Variants in ZBTB42 observed in about 807,000 individuals in gnomAD.
The protein encoded by ZBTB42 is zinc finger and BTB domain containing 42.
ZBTB42 carries 3 observed loss-of-function variants against 4.7 expected under a neutral mutation model. That is an observed-to-expected ratio of 0.64 (90% CI 0.29 to 1.66). The LOEUF is 1.66. Among genes scored for constraint, ZBTB42 ranks in the 40% most tolerant of loss-of-function variants. The probability of loss-of-function intolerance (pLI) is 0.10; values close to 1 mark genes in which losing one functional copy is unlikely to be tolerated. For missense variants in ZBTB42, 521 were observed against 577.1 expected (o/e 0.90, Z 1.00); for synonymous variants, 255 against 259.5 (o/e 0.98, Z 0.17).
In ZBTB42 at chr14:104,802,054, A is replaced by G. The variant is rs1566830861; in HGVS notation, c.857A>G (p.Glu286Gly). 14 of 1,498,968 alleles carry G rather than the reference A, an allele frequency of 9.3e-6. No homozygotes were observed. The highest frequency in any genetic ancestry group is 2.1e-5 in the Admixed American group (1 of 47,872). 92.9% of individuals were successfully genotyped at this position (1,498,968 alleles called of 1,614,324 possible). Reference protein sequence around the residue: ...LGAGRLASEDELGPGGPLCIC... With the variant: ...LGAGRLASEDGLGPGGPLCIC... ...GCAGGGCGACTGGCGAGTGAGGACGAGCTGGGGCCTGGTGGGCCCCTCTGC... is the reference window on the plus strand; with the variant it reads ...GCAGGGCGACTGGCGAGTGAGGACGGGCTGGGGCCTGGTGGGCCCCTCTGC... The change falls in exon 1 of 1, where the codon GAG (glutamate) becomes GGG (glycine). Residue 286 changes from glutamate to glycine, a missense_variant. Coordinates refer to ENST00000342537, the MANE Select transcript of ZBTB42 (RefSeq NM_001137601.3). The surrounding 1 kb of genome is among the most constrained non-coding windows in gnomAD (Gnocchi z 5.9).
chr14:104,802,364 G>A lies in ZBTB42; in HGVS notation c.1167G>A (p.Pro389=), dbSNP rs61734768. Residue 389 remains proline (P), a synonymous_variant, in exon 1 of 1, where the codon CCG becomes CCA. Coordinates refer to ENST00000342537, the MANE Select transcript of ZBTB42 (RefSeq NM_001137601.3). The surrounding 1 kb of genome is among the most constrained non-coding windows in gnomAD (Gnocchi z 5.9). ...CCGTAGTGCACACTCGAGAGAAGCC[G>A]CATGCCTGCCGGTGGTGTGAGCGCC... ...RHTVVHTREK[P]HACRWCERRF... is the part of the protein sequence containing the mutation. The A allele has an allele frequency of 0.019, 30,020 of 1,550,494 alleles. 735 individuals are homozygous for A. The highest frequency in any genetic ancestry group is 0.1 in the African/African-American group (7,540 of 73,160).
rs1317651945 is a variant in ZBTB42, at chr14:104,802,756, C to T, written c.*290C>T. ...TGACACTATCTTCCTCTCCCGTCCC[C>T]TCCAGCCAAGTTCTGAGGGGTGTCC... On this transcript the variant is annotated 3_prime_UTR_variant, in exon 1 of 1. Coordinates refer to ENST00000342537, the MANE Select transcript of ZBTB42 (RefSeq NM_001137601.3). The surrounding 1 kb of genome is among the most constrained non-coding windows in gnomAD (Gnocchi z 5.9). 1 of 501,796 alleles carries T rather than the reference C, an allele frequency of 2.0e-6. No homozygotes were observed. Among genetic ancestry groups the T allele is most frequent in the East Asian group, 3.7e-5 (1 of 27,332 alleles). The allele number at this position is 501,796 out of a possible 1,614,324, so 31.1% of individuals were successfully genotyped here.
upstream of ZBTB42, chr14:104,800,700 G>T (rs1043080212): frequency 1.4e-5 from 2 of 146,438 alleles, no homozygotes; most frequent in African/African-American, 4.9e-5. The surrounding 1 kb of genome is among the most constrained non-coding windows in gnomAD (Gnocchi z 5.3). Context: ...GGGCGGCGGA[G>T]GTGAGCGCTG....
In ZBTB42 at chr14:104,802,852, C is replaced by T; in HGVS notation, c.*386C>T. The stretch of plus-strand genomic sequence containing the variant: ...ATCCATCTCCCGGCCCGGGACTTTC[C>T]TGACCACCTCTCTGGCAGGCTTGGG... On this transcript the variant is annotated 3_prime_UTR_variant, in exon 1 of 1. Coordinates refer to ENST00000342537, the MANE Select transcript of ZBTB42 (RefSeq NM_001137601.3). This position sits in a 1 kb window ranked among gnomAD's most constrained non-coding sequence, Gnocchi z 5.9. 3.4e-6 allele frequency: 1 copy of T among 292,430 alleles called. No homozygotes were observed. Among genetic ancestry groups the T allele is most frequent in the Non-Finnish European group, 6.9e-6 (1 of 145,252 alleles). The allele number at this position is 292,430 out of a possible 1,614,324, so 18.1% of individuals were successfully genotyped here.
chr14:104,801,750 G>C lies in ZBTB42; in HGVS notation c.553G>C (p.Asp185His). The C allele has an allele frequency of 6.5e-7, 1 of 1,549,892 alleles. No individual in the cohort carries two copies. Among genetic ancestry groups the C allele is most frequent in the Non-Finnish European group, 8.7e-7 (1 of 1,146,742 alleles). Residue 185 changes from aspartate (D) to histidine (H), a missense_variant, in exon 1 of 1, where the codon GAC (aspartate) becomes CAC (histidine). Coordinates refer to ENST00000342537, the MANE Select transcript of ZBTB42 (RefSeq NM_001137601.3). The surrounding 1 kb of genome is among the most constrained non-coding windows in gnomAD (Gnocchi z 4.4). ...PPPCQVPEES[D>H]QALDLSLKSG... ...TCCCTGCCAGGTCCCAGAAGAGTCA[G>C]ACCAGGCCCTGGACCTGTCGTTGAA...
chr14:104,802,869 A>G lies in ZBTB42; in HGVS notation c.*403A>G, dbSNP rs1167242098. ...GGACTTTCCTGACCACCTCTCTGGCAGGCTTGGGGAGGTCTTCATGAGCCT... is the reference window on the plus strand; with the variant it reads ...GGACTTTCCTGACCACCTCTCTGGCGGGCTTGGGGAGGTCTTCATGAGCCT... On this transcript the variant is annotated 3_prime_UTR_variant, in exon 1 of 1. Coordinates refer to ENST00000342537, the MANE Select transcript of ZBTB42 (RefSeq NM_001137601.3). The surrounding 1 kb of genome is among the most constrained non-coding windows in gnomAD (Gnocchi z 5.9). The G allele has an allele frequency of 3.8e-6, 1 of 265,142 alleles. No homozygotes were observed. The highest frequency in any genetic ancestry group is 2.3e-5 in the African/African-American group (1 of 44,392). 16.4% of individuals were successfully genotyped at this position (265,142 alleles called of 1,614,324 possible).
chr14:104,802,564 C>T lies in ZBTB42; in HGVS notation c.*98C>T. The T allele has an allele frequency of 6.8e-7, 1 of 1,462,102 alleles. No homozygotes were observed. 90.6% of individuals were successfully genotyped at this position (1,462,102 alleles called of 1,614,324 possible). On this transcript the variant is annotated 3_prime_UTR_variant, in exon 1 of 1. Transcript: ENST00000342537. This position sits in a 1 kb window ranked among gnomAD's most constrained non-coding sequence, Gnocchi z 5.9. ...GTGTGAAGCCTGACCAGGTGGAGGT[C>T]CCTGCTTGGGCCAGATGGCTCCACC...
Position 104,802,616 on chromosome 14 carries a change from T to G in ZBTB42, c.*150T>G, listed in dbSNP as rs370702203. Reference sequence around the variant, plus strand: ...TCCTGGCAGAGAGAATGCTGCCTCTTCCTGGAACTTGGCCTCAGACTCGGT... The same window carrying G: ...TCCTGGCAGAGAGAATGCTGCCTCTGCCTGGAACTTGGCCTCAGACTCGGT... On this transcript the variant is annotated 3_prime_UTR_variant, in exon 1 of 1. Coordinates refer to ENST00000342537, the MANE Select transcript of ZBTB42 (RefSeq NM_001137601.3). This position sits in a 1 kb window ranked among gnomAD's most constrained non-coding sequence, Gnocchi z 5.9. 50 of 1,209,622 alleles carry G rather than the reference T, an allele frequency of 4.1e-5. 1 individual carries two copies. In the African/African-American group the frequency reaches 6.8e-4, roughly 16 times the overall value. 74.9% of individuals were successfully genotyped at this position (1,209,622 alleles called of 1,614,324 possible).
In ZBTB42 at chr14:104,802,478, G is replaced by A; in HGVS notation, c.*12G>A. ...CCCTTCTGGTGTGATGCATCCCTGT[G>A]GGTCCTGAGGGTGGGGTGGAAGGGA... On this transcript the variant is annotated 3_prime_UTR_variant, in exon 1 of 1. Transcript: ENST00000342537. This position sits in a 1 kb window ranked among gnomAD's most constrained non-coding sequence, Gnocchi z 5.9. 1 of 1,542,078 alleles carries A rather than the reference G, an allele frequency of 6.5e-7. No homozygotes were observed. Among genetic ancestry groups the A allele is most frequent in the Non-Finnish European group, 8.8e-7 (1 of 1,141,478 alleles).
chr14:104,801,978 T>C lies in ZBTB42; in HGVS notation c.781T>C (p.Leu261=). Residue 261 remains leucine, a synonymous_variant, in exon 1 of 1, where the codon TTG becomes CTG. Transcript: ENST00000342537. This position sits in a 1 kb window ranked among gnomAD's most constrained non-coding sequence, Gnocchi z 4.4. ...TGCAGCCAAGGGCCTGGTGGTGGGCTTGCAGCCGCTGCCCCTCAGCGGAGA... is the reference window on the plus strand; with the variant it reads ...TGCAGCCAAGGGCCTGGTGGTGGGCCTGCAGCCGCTGCCCCTCAGCGGAGA... The part of the protein sequence containing the change: ...VPAAKGLVVG[L]QPLPLSGEGS... 6.6e-7 allele frequency: 1 copy of C among 1,511,484 alleles called. No individual in the cohort carries two copies. The highest frequency in any genetic ancestry group is 8.8e-7 in the Non-Finnish European group (1 of 1,130,100). 93.6% of individuals were successfully genotyped at this position (1,511,484 alleles called of 1,614,324 possible).
At position 104,801,646 on chromosome 14, in the gene ZBTB42, T is replaced by C. The variant is rs1042533746; in HGVS notation, c.449T>C (p.Leu150Pro). The part of the protein sequence containing the change: ...PCPWPVWTAD[L>P]CPAARKAKLP... ...CCCTGGCCTGTCTGGACCGCGGACCTCTGCCCAGCTGCCCGAAAGGCCAAG... is the reference window on the plus strand; with the variant it reads ...CCCTGGCCTGTCTGGACCGCGGACCCCTGCCCAGCTGCCCGAAAGGCCAAG... The change falls in exon 1 of 1, where the codon CTC becomes CCC. Residue 150 changes from leucine to proline, a missense_variant. By Grantham distance (98) the Leu-to-Pro change is moderately conservative. Transcript: ENST00000342537. This position sits in a 1 kb window ranked among gnomAD's most constrained non-coding sequence, Gnocchi z 4.4. 4.5e-6 allele frequency: 7 copies of C among 1,550,150 alleles called. No homozygotes were observed. In the African/African-American group the frequency reaches 8.2e-5, roughly 18 times the overall value.
Position 104,804,171 on chromosome 14 carries a change from G to GTGTGTA in ZBTB42, c.*1708_*1709insGTATGT, listed in dbSNP as rs1555386430. 6.0e-5 allele frequency: 10 copies of GTGTGTA among 166,848 alleles called. No homozygotes were observed. The highest frequency in any genetic ancestry group is 2.4e-4 in the African/African-American group (10 of 41,510). The allele number at this position is 166,848 out of a possible 1,614,324, so 10.3% of individuals were successfully genotyped here. A position where few individuals can be genotyped will look rare whatever the true frequency, so the allele number is the denominator to read the frequency against. ...GGGGTGTGTGTGTGTGTGTGTGTGT[G>GTGTGTA]TGTATGTATGCATGCGTCTGGCACA... is the stretch of plus-strand genomic sequence containing the variant. On this transcript the variant is annotated 3_prime_UTR_variant, in exon 1 of 1. Transcript: ENST00000342537.
Position 104,802,332 on chromosome 14 carries a change from C to G in ZBTB42, c.1135C>G (p.Arg379Gly). 1 of 1,550,446 alleles carries G rather than the reference C, an allele frequency of 6.4e-7. No homozygotes were observed. The highest frequency in any genetic ancestry group is 8.7e-7 in the Non-Finnish European group (1 of 1,146,986). ...KSFQYSHNLSRHTVVHTREKP... is the reference protein window; with the variant it reads ...KSFQYSHNLSGHTVVHTREKP... ...TTTTCAGTACTCCCACAACCTGAGC[C>G]GGCACACCGTAGTGCACACTCGAGA... The change falls in exon 1 of 1, where the codon CGG becomes GGG. Residue 379 changes from arginine to glycine, a missense_variant. Arg to Gly is a moderately radical substitution (Grantham distance 125). Coordinates refer to ENST00000342537, the MANE Select transcript of ZBTB42 (RefSeq NM_001137601.3). This position sits in a 1 kb window ranked among gnomAD's most constrained non-coding sequence, Gnocchi z 5.9.
rs545091032 is a variant in ZBTB42 at position 104,803,076 on chromosome 14, G to GT, written c.*610_*611insT. On this transcript the variant is annotated 3_prime_UTR_variant, in exon 1 of 1. Transcript: ENST00000342537. ...GCACAGCTGGTGTCTCGGGGTGGGGGGGGGGGTGCAGCCCCAGCAGGGATC... is the reference window on the plus strand; with the variant it reads ...GCACAGCTGGTGTCTCGGGGTGGGGGTGGGGGGTGCAGCCCCAGCAGGGATC... 32 of 149,694 alleles carry GT rather than the reference G, an allele frequency of 2.1e-4. 1 individual carries two copies. Among genetic ancestry groups the GT allele is most frequent in the Non-Finnish European group, 3.8e-4 (24 of 62,534 alleles). 9.3% of individuals were successfully genotyped at this position (149,694 alleles called of 1,614,324 possible). A position where few individuals can be genotyped will look rare whatever the true frequency, so the allele number is the denominator to read the frequency against.
Position 104,802,426 on chromosome 14 carries a change from G to C in ZBTB42, c.1229G>C (p.Arg410Pro), listed in dbSNP as rs755905902. The C allele has an allele frequency of 1.3e-6, 2 of 1,551,290 alleles. No homozygotes were observed. Among genetic ancestry groups the C allele is most frequent in the East Asian group, 2.4e-5 (1 of 41,024 alleles). The part of the protein sequence containing the change: ...TQSGDLYRHV[R>P]KFHCGLVKSL... ...TCCGGGGACCTCTACCGCCACGTCCGCAAGTTTCACTGTGGCCTCGTCAAG... is the reference window on the plus strand; with the variant it reads ...TCCGGGGACCTCTACCGCCACGTCCCCAAGTTTCACTGTGGCCTCGTCAAG... Residue 410 changes from arginine (R) to proline (P), a missense_variant, in exon 1 of 1, where the codon CGC becomes CCC. Arg to Pro is a moderately radical substitution (Grantham distance 103, BLOSUM62 -2). Coordinates refer to ENST00000342537, the MANE Select transcript of ZBTB42 (RefSeq NM_001137601.3). The surrounding 1 kb of genome is among the most constrained non-coding windows in gnomAD (Gnocchi z 5.9).
chr14:104,802,837 C>A lies in ZBTB42; in HGVS notation c.*371C>A. ...CGTGTGAGATGGCACATCCATCTCC[C>A]GGCCCGGGACTTTCCTGACCACCTC... is the stretch of plus-strand genomic sequence containing the variant. On this transcript the variant is annotated 3_prime_UTR_variant, in exon 1 of 1. Transcript: ENST00000342537. The surrounding 1 kb of genome is among the most constrained non-coding windows in gnomAD (Gnocchi z 5.9). 1 of 307,186 alleles carries A rather than the reference C, an allele frequency of 3.3e-6. No individual in the cohort carries two copies. The highest frequency in any genetic ancestry group is 6.5e-6 in the Non-Finnish European group (1 of 154,804). 19.0% of individuals were successfully genotyped at this position (307,186 alleles called of 1,614,324 possible). A position where few individuals can be genotyped will look rare whatever the true frequency, so the allele number is the denominator to read the frequency against.
At chr14:104,800,624 G>C, upstream of ZBTB42, 1 of 146,206 alleles carries the variant, frequency 6.8e-6, no homozygotes, top group East Asian at 2.0e-4. The surrounding 1 kb of genome is among the most constrained non-coding windows in gnomAD (Gnocchi z 5.3). Context: ...GCTGCCCGCA[G>C]CTCCACGCGC....
chr14:104,801,852 G>T lies in ZBTB42; in HGVS notation c.655G>T (p.Ala219Ser), dbSNP rs1157934939. ...CCTCTGCAGCCAGAGGCAGCCAGGG[G>T]CCCAGCCACTGGTGAAGGACGAACG... is the stretch of plus-strand genomic sequence containing the variant. ...TPLCSQRQPG[A>S]QPLVKDERDS... Residue 219 changes from alanine to serine, a missense_variant, in exon 1 of 1, where the codon GCC becomes TCC. Coordinates refer to ENST00000342537, the MANE Select transcript of ZBTB42 (RefSeq NM_001137601.3). The surrounding 1 kb of genome is among the most constrained non-coding windows in gnomAD (Gnocchi z 4.4). The T allele has an allele frequency of 1.9e-6, 3 of 1,550,096 alleles. No individual in the cohort carries two copies. The highest frequency in any genetic ancestry group is 2.4e-5 in the South Asian group (2 of 84,054).
At position 104,801,678 on chromosome 14, in the gene ZBTB42, C is replaced by G. The variant is rs777793745; in HGVS notation, c.481C>G (p.Pro161Ala). ...AGCTGCCCGAAAGGCCAAGCTCCCC[C>G]CGTTTGGGGTCAAGGCTGCCCTCCC... is the stretch of plus-strand genomic sequence containing the variant. ...CPAARKAKLP[P>A]FGVKAALPPR... is the part of the protein sequence containing the mutation. The change falls in exon 1 of 1, where the codon CCG (proline) becomes GCG (alanine). Residue 161 changes from proline (P) to alanine (A), a missense_variant. Pro to Ala is a conservative substitution (Grantham distance 27, BLOSUM62 -1). Coordinates refer to ENST00000342537, the MANE Select transcript of ZBTB42 (RefSeq NM_001137601.3). The surrounding 1 kb of genome is among the most constrained non-coding windows in gnomAD (Gnocchi z 4.4). The G allele has an allele frequency of 6.5e-6, 10 of 1,550,182 alleles. No individual in the cohort carries two copies. The highest frequency in any genetic ancestry group is 1.7e-4 in the Middle Eastern group (1 of 6,016).
Sources: gnomAD v4.1 joint callset for allele counts on GRCh38, gnomAD v4.1.1 for gene constraint, Gnocchi (gnomAD v3.1) non-coding constraint, MANE v1.5 for transcripts, NCBI Gene and HGNC (gene_info 2026-07-23, HGNC 2026-07-21) for gene names.